The following TMOD2 variants were observed in gnomAD, a reference collection of about 807,000 sequenced individuals.
TMOD2 encodes the protein tropomodulin-2.
Under a neutral mutation model 39.9 loss-of-function variants are expected in TMOD2, and 22 were observed. The ratio of observed to expected loss-of-function variants is 0.55; its 90% CI spans 0.39 to 0.79. The LOEUF is 0.79. Among genes scored for constraint, TMOD2 ranks in the 30% least tolerant of loss-of-function variants. The pLI, the probability that TMOD2 is intolerant of heterozygous loss-of-function variation, is 0.00. For synonymous variants in TMOD2, 123 were observed against 146.1 expected, an observed-to-expected ratio of 0.84 and a Z score of 1.14; for missense variants, 386 against 413.3, an observed-to-expected ratio of 0.93 and a Z score of 0.57.
chr15:51,785,242 C>A (rs974118633), intron 7 of TMOD2, among the ~76,000 whole-genome samples: 2 of 151,940 alleles, frequency 1.3e-5, no homozygotes, highest in Admixed American at 6.6e-5. Context: ...GAAACCCCGT[C>A]TCTACTAAAA....
At chr15:51,770,455 G>A (rs2055845523) in intron 3 of TMOD2, among the ~76,000 whole-genome samples, 1 of 152,124 alleles carries the variant, frequency 6.6e-6, no homozygotes, top group African/African-American at 2.4e-5. Flanking sequence ...AACTGGCATG[G>A]GAGGCACTTG....
chr15:51,774,461 A>G (rs1002302991), intron 4 of TMOD2, among the ~76,000 whole-genome samples: 2 of 152,198 alleles, frequency 1.3e-5, no homozygotes, highest in Non-Finnish European at 2.9e-5. Flanking sequence ...TTCTACATAC[A>G]CAGGGTTATT....
At chr15:51,754,352 G>A (rs753568376) in intron 1 of TMOD2, among the ~76,000 whole-genome samples, 1 of 152,140 alleles carries the variant, frequency 6.6e-6, no homozygotes, top group Non-Finnish European at 1.5e-5. Flanking sequence ...AAGTTTTGGG[G>A]TTTCCTCTCA....
intron 7 of TMOD2, among the ~76,000 whole-genome samples, chr15:51,795,066 A>G (rs1377139687): frequency 6.6e-6 from 1 of 152,174 alleles, no homozygotes; most frequent in Non-Finnish European, 1.5e-5. Context: ...TTTCCTTGCT[A>G]GAAATTTTTA....
At chr15:51,754,706 A>T (rs550920174) in intron 1 of TMOD2, among the ~76,000 whole-genome samples, 1 of 152,370 alleles carries the variant, frequency 6.6e-6, no homozygotes, top group South Asian at 2.1e-4. Context: ...GCCTAGCCAG[A>T]TGTGGAAAAC....
At position 51,810,630 on chromosome 15, in the gene TMOD2, G is replaced by A. The variant is rs754602554; in HGVS notation, c.*2176G>A. 5 of 151,938 alleles carry A rather than the reference G, an allele frequency of 3.3e-5. No individual in the cohort carries two copies. Among genetic ancestry groups the A allele is most frequent in the South Asian group, 2.1e-4 (1 of 4,830 alleles). The allele number at this position is 151,938 out of a possible 1,614,324, so 9.4% of individuals were successfully genotyped here. On this transcript the variant is annotated 3_prime_UTR_variant, in exon 10 of 10. Coordinates refer to ENST00000249700, the MANE Select transcript of TMOD2 (RefSeq NM_014548.4). ...ATACATTTTTTTATACATATGTTTC[G>A]CTTATCATGTTGCCGAAGGGAAGAA...
At chr15:51,775,577 T>G (rs1008442964) in intron 4 of TMOD2, among the ~76,000 whole-genome samples, 1 of 130,196 alleles carries the variant, frequency 7.7e-6, no homozygotes, top group Admixed American at 7.7e-5. Context: ...TTCCTTTTTT[T>G]TTTTTTTTTT....
chr15:51,769,191 G>A (rs979783191), intron 3 of TMOD2, among the ~76,000 whole-genome samples: 3 of 152,182 alleles, frequency 2.0e-5, no homozygotes, highest in Admixed American at 6.5e-5. Context: ...AAAACATCTC[G>A]AACCCCAAAG....
intron 8 of TMOD2, among the ~76,000 whole-genome samples, chr15:51,799,338 T>G (rs1226708362): frequency 1.3e-5 from 2 of 152,188 alleles, no homozygotes; most frequent in African/African-American, 4.8e-5. Context: ...AAGTTCCTGG[T>G]GCAGACCCTC....
chr15:51,795,445 G>GT (rs2056041718), intron 7 of TMOD2, among the ~76,000 whole-genome samples: 1 of 145,856 alleles, frequency 6.9e-6, no homozygotes, highest in Non-Finnish European at 1.5e-5. Context: ...AAAAAAAAAA[G>GT]TTTTTTTTAT....
chr15:51,779,634 C>T (rs1030985034), intron 5 of TMOD2, among the ~76,000 whole-genome samples: 1 of 151,710 alleles, frequency 6.6e-6, no homozygotes, highest in African/African-American at 2.4e-5. Context: ...CTGCCCACCT[C>T]GGCCTCCCAA....
Position 51,793,879 on chromosome 15 carries a change from TGC to T in TMOD2, c.733-4317_733-4316del, listed in dbSNP as rs1282527582. Among the ~76,000 whole-genome samples, 65 of 152,364 alleles carry T rather than the reference TGC, an allele frequency of 4.3e-4. No individual in the cohort carries two copies. In the East Asian group the frequency reaches 0.012, roughly 29 times the overall value. On this transcript the variant is annotated intron_variant, in intron 7 of 9. Coordinates refer to ENST00000249700, the MANE Select transcript of TMOD2 (RefSeq NM_014548.4). ...GTAGAGTCCAAAAGGAAAGTCCTGA[TGC>T]ATCCCTCTCTGATGATCAGATTAAA...
rs1368263064 is a variant in TMOD2 at position 51,813,539 on chromosome 15, C to G, written c.*5085C>G. ...GGCACCGTACTAACAGATTTGGAGA[C>G]TGAAACCTAATCCCATCACCAACAC... On this transcript the variant is annotated 3_prime_UTR_variant, in exon 10 of 10. Coordinates refer to ENST00000249700, the MANE Select transcript of TMOD2 (RefSeq NM_014548.4). The G allele has an allele frequency of 6.6e-6, 1 of 152,206 alleles. No individual in the cohort carries two copies. Among genetic ancestry groups the G allele is most frequent in the Non-Finnish European group, 1.5e-5 (1 of 68,026 alleles). 9.4% of individuals were successfully genotyped at this position (152,206 alleles called of 1,614,324 possible). A position where few individuals can be genotyped will look rare whatever the true frequency, so the allele number is the denominator to read the frequency against.
chr15:51,807,420 C>T lies in TMOD2; in HGVS notation c.1021+899C>T, dbSNP rs564701669. ...GACAGGCTTTGCCAAGACCCTGAGG[C>T]GTAGGAAAGGTGCAGTGTGTGGCAT... On this transcript the variant is annotated intron_variant, in intron 9 of 9. Transcript: ENST00000249700. Among the ~76,000 whole-genome samples the T allele has an allele frequency of 1.6e-4, 24 of 152,236 alleles. No individual in the cohort carries two copies. In the South Asian group the frequency reaches 2.3e-3, roughly 14 times the overall value.
chr15:51,780,410 G>T (rs2055921713), intron 5 of TMOD2, among the ~76,000 whole-genome samples: 2 of 152,082 alleles, frequency 1.3e-5, no homozygotes, highest in Non-Finnish European at 2.9e-5. Context: ...ATATTTTTTG[G>T]TTGAGTGACA....
At chr15:51,769,581 AC>A (rs1286545997) in intron 3 of TMOD2, among the ~76,000 whole-genome samples, 1 of 151,522 alleles carries the variant, frequency 6.6e-6, no homozygotes, top group Non-Finnish European at 1.5e-5. Flanking sequence ...AGAATAGGAA[AC>A]CCTCCTCCTT....
rs78290777 is a variant in TMOD2, at chr15:51,797,795, T to A, written c.733-402T>A. Among the ~76,000 whole-genome samples, 814 of 152,048 alleles carry A rather than the reference T, an allele frequency of 5.4e-3. 7 individuals are homozygous for A. The highest frequency in any genetic ancestry group is 0.019 in the African/African-American group (783 of 41,516). ...GCTAGTCAATGGTAAAGTTTTTTTT[T>A]AATTAATTCATAGTAAAGGAAAAAA... On this transcript the variant is annotated intron_variant, in intron 7 of 9. Coordinates refer to ENST00000249700, the MANE Select transcript of TMOD2 (RefSeq NM_014548.4).
Position 51,773,815 on chromosome 15 carries a change from C to T in TMOD2, c.387C>T (p.Thr129=), listed in dbSNP as rs751866676. The change falls in exon 4 of 10, where the codon ACC becomes ACT. Residue 129 remains threonine, a synonymous_variant. Coordinates refer to ENST00000249700, the MANE Select transcript of TMOD2 (RefSeq NM_014548.4). ...LEEALASASD[T]ELYDLAAVLG... is the part of the protein sequence containing the mutation. The stretch of plus-strand genomic sequence containing the variant: ...AAGCTTTGGCCAGTGCCTCTGACAC[C>T]GAACTCTATGATCTTGCAGGTTAGT... The T allele has an allele frequency of 1.3e-5, 21 of 1,611,076 alleles. No individual in the cohort carries two copies. The highest frequency in any genetic ancestry group is 4.0e-5 in the African/African-American group (3 of 74,596).
At chr15:51,795,652 CT>C (rs2056046296) in intron 7 of TMOD2, among the ~76,000 whole-genome samples, 2 of 134,534 alleles carry the variant, frequency 1.5e-5, no homozygotes, top group African/African-American at 2.8e-5. Flanking sequence ...TTCTGGAACT[CT>C]TCTTAGATGA....
Sources: allele counts gnomAD v4.1 joint callset (sites outside exome capture counted in the v4.1 genomes callset), GRCh38; gene constraint gnomAD v4.1.1; transcripts MANE v1.5; gene names NCBI Gene and HGNC (gene_info 2026-07-23, HGNC 2026-07-21).